SEMA6D: variants seen among roughly 807,000 people sequenced by gnomAD.
SEMA6D encodes the protein semaphorin 6D.
In SEMA6D, 35 loss-of-function variants were observed where a neutral mutation model predicts 106.6. The observed-to-expected ratio is 0.33, with a 90% CI of 0.25 to 0.44. The LOEUF is 0.44. Among genes scored for constraint, SEMA6D ranks in the 20% least tolerant of loss-of-function variants. The probability of loss-of-function intolerance (pLI) is 1.00; values close to 1 mark genes in which losing one functional copy is unlikely to be tolerated. For missense variants in SEMA6D, 1,185 were observed against 1,345.9 expected (o/e 0.88, Z 1.87); for synonymous variants, 499 against 487.7 (o/e 1.02, Z -0.31).
At chr15:47,359,072 G>A (rs181418286) in intron 1 of SEMA6D, among the ~76,000 whole-genome samples, 150 of 152,120 alleles carry the variant, frequency 9.9e-4, no homozygotes, top group African/African-American at 3.5e-3. Context: ...TCTAGATGCA[G>A]GTATTCCCGC....
chr15:47,331,565 A>G (rs978706184), intron 1 of SEMA6D, among the ~76,000 whole-genome samples: 1 of 152,102 alleles, frequency 6.6e-6, no homozygotes, highest in African/African-American at 2.4e-5. Context: ...CATTTTTTCA[A>G]ACAAAGCATA....
chr15:47,435,685 C>T (rs1340511543), intron 2 of SEMA6D, among the ~76,000 whole-genome samples: 1 of 151,934 alleles, frequency 6.6e-6, no homozygotes, highest in Non-Finnish European at 1.5e-5. Context: ...TTAAGTTTAC[C>T]CTTTTCCCTT....
intron 1 of SEMA6D, among the ~76,000 whole-genome samples, chr15:47,281,246 C>A (rs2035095111): frequency 7.4e-6 from 1 of 135,520 alleles, no homozygotes; most frequent in Non-Finnish European, 1.6e-5. Flanking sequence ...GGATAGTTAT[C>A]TCTTCTTGTT....
chr15:47,586,275 G>A (rs535369016), intron 3 of SEMA6D, among the ~76,000 whole-genome samples: 2 of 152,216 alleles, frequency 1.3e-5, no homozygotes, highest in South Asian at 4.2e-4. Context: ...CGGAATTCAG[G>A]GACTTCTTAC....
intron 2 of SEMA6D, among the ~76,000 whole-genome samples, chr15:47,468,035 T>A (rs2042716220): frequency 6.6e-6 from 1 of 152,158 alleles, no homozygotes; most frequent in African/African-American, 2.4e-5. Flanking sequence ...ACATATGTTA[T>A]GTAAATAATG....
intron 3 of SEMA6D, among the ~76,000 whole-genome samples, chr15:47,513,333 A>G (rs190729696): frequency 3.3e-5 from 5 of 152,316 alleles, no homozygotes; most frequent in Admixed American, 3.3e-4. Flanking sequence ...ATCAAAATGT[A>G]TATTCACATA....
chr15:47,352,250 C>T (rs889478087), intron 1 of SEMA6D, among the ~76,000 whole-genome samples: 1 of 152,000 alleles, frequency 6.6e-6, no homozygotes, highest in African/African-American at 2.4e-5. Flanking sequence ...TTATAGTGTA[C>T]CAAACAGTTG....
intron 1 of SEMA6D, among the ~76,000 whole-genome samples, chr15:47,197,858 AT>A (rs979486062): frequency 5.3e-5 from 8 of 151,744 alleles, no homozygotes; most frequent in Non-Finnish European, 1.0e-4. Context: ...TATATTTCTT[AT>A]TTTTTTTACT....
At chr15:47,720,829 C>A (rs1422956135) in intron 1 of SEMA6D, among the ~76,000 whole-genome samples, 1 of 152,164 alleles carries the variant, frequency 6.6e-6, no homozygotes, top group Non-Finnish European at 1.5e-5. Context: ...AAAAATGCAT[C>A]TGAAATAGGG....
At chr15:47,671,320 T>C (rs2078132680) in intron 4 of SEMA6D, among the ~76,000 whole-genome samples, 1 of 152,228 alleles carries the variant, frequency 6.6e-6, no homozygotes, top group African/African-American at 2.4e-5. Flanking sequence ...TGTGGACATA[T>C]TGTAAAATAC....
At chr15:47,406,913 A>G (rs1211218153) in intron 1 of SEMA6D, among the ~76,000 whole-genome samples, 2 of 152,184 alleles carry the variant, frequency 1.3e-5, no homozygotes, top group South Asian at 2.1e-4. Context: ...TATGTGTGCT[A>G]CTTTTATTTG....
intron 4 of SEMA6D, among the ~76,000 whole-genome samples, chr15:47,687,235 G>C (rs1403797733): frequency 6.6e-6 from 1 of 152,156 alleles, no homozygotes; most frequent in Admixed American, 6.5e-5. Context: ...TGATATGCCT[G>C]CCACTGTACC....
intron 1 of SEMA6D, among the ~76,000 whole-genome samples, chr15:47,245,167 T>A (rs1345606738): frequency 6.6e-6 from 1 of 152,108 alleles, no homozygotes; most frequent in Non-Finnish European, 1.5e-5. Flanking sequence ...AATATACAAG[T>A]GCATGTGTCT....
chr15:47,312,568 T>C (rs2036492497), intron 1 of SEMA6D, among the ~76,000 whole-genome samples: 1 of 152,088 alleles, frequency 6.6e-6, no homozygotes, highest in Non-Finnish European at 1.5e-5. Flanking sequence ...CTCTTTACAT[T>C]CTTAACCTTG....
intron 2 of SEMA6D, among the ~76,000 whole-genome samples, chr15:47,440,345 A>G (rs1488195914): frequency 6.6e-6 from 1 of 152,012 alleles, no homozygotes; most frequent in African/African-American, 2.4e-5. Flanking sequence ...CAAATCGGGG[A>G]TAGGGATTTT....
chr15:47,195,740 C>T (rs1053440948), intron 1 of SEMA6D, among the ~76,000 whole-genome samples: 2 of 152,136 alleles, frequency 1.3e-5, no homozygotes, highest in East Asian at 1.9e-4. Flanking sequence ...GAACATTTAT[C>T]ATGAATGAGC....
At chr15:47,767,204 G>T in intron 17 of SEMA6D, 111 bp downstream of exon 17, 2 of 666,012 alleles carry the variant, frequency 3.0e-6, no homozygotes, top group Admixed American at 3.3e-5. Flanking sequence ...TCATTTTTCC[G>T]CTTTGACTCA....
At chr15:47,631,832 T>G (rs938322789) in intron 4 of SEMA6D, among the ~76,000 whole-genome samples, 1 of 151,946 alleles carries the variant, frequency 6.6e-6, no homozygotes, top group African/African-American at 2.4e-5. Context: ...ACAGCACCCG[T>G]GGGAAACCAA....
chr15:47,313,269 T>G (rs2036517052), intron 1 of SEMA6D, among the ~76,000 whole-genome samples: 1 of 152,230 alleles, frequency 6.6e-6, no homozygotes, highest in African/African-American at 2.4e-5. Flanking sequence ...GTGCTTTGCC[T>G]TTTTATCCTT....
Sources: allele counts gnomAD v4.1 joint callset (sites outside exome capture counted in the v4.1 genomes callset), GRCh38; gene constraint gnomAD v4.1.1; transcripts MANE v1.5; gene names NCBI Gene and HGNC (gene_info 2026-07-23, HGNC 2026-07-21).